The following XKR9 variants were observed in gnomAD, a reference collection of about 807,000 sequenced individuals.
XKR9 encodes the protein XK related 9, also known as XK-related protein 9.
Under a neutral mutation model 32.0 loss-of-function variants are expected in XKR9, and 32 were observed. That is an observed-to-expected ratio of 1.00 (90% CI 0.76 to 1.34). The LOEUF (loss-of-function observed/expected upper bound fraction) is 1.34. Ranked by LOEUF, XKR9 falls within the 40% of genes most tolerant of loss-of-function variation. The pLI is 0.00. For synonymous variants in XKR9, 168 were observed against 143.4 expected, an observed-to-expected ratio of 1.17 and a Z score of -1.22; for missense variants, 546 against 429.7, an observed-to-expected ratio of 1.27 and a Z score of -2.39.
the XKR9 span, among the ~76,000 whole-genome samples, chr8:70,862,888 G>C: frequency 1.3e-5 from 2 of 152,044 alleles, no homozygotes; most frequent in African/African-American, 2.4e-5. Flanking sequence ...GCCAAGGAAG[G>C]CTTCCTAGGA....
At chr8:70,768,123 T>G (rs1807403489) in intron 2 of XKR9, among the ~76,000 whole-genome samples, 1 of 152,220 alleles carries the variant, frequency 6.6e-6, no homozygotes, top group African/African-American at 2.4e-5. Flanking sequence ...ATATTGTTTC[T>G]TTGTTCTCAT....
chr8:71,019,677 A>G, the XKR9 span, among the ~76,000 whole-genome samples: 2 of 152,234 alleles, frequency 1.3e-5, no homozygotes, highest in East Asian at 1.9e-4. Context: ...GAAGTTTAAA[A>G]TGTCTTAACC....
chr8:70,793,749 T>A (rs115172370), downstream of XKR9, among the ~76,000 whole-genome samples: 1,759 of 152,238 alleles, frequency 0.012, 33 homozygotes, highest in African/African-American at 0.038. Flanking sequence ...GTCTTGATTA[T>A]TGTAGCTTTG....
At chr8:71,046,417 A>G in the XKR9 span, among the ~76,000 whole-genome samples, 1 of 152,178 alleles carries the variant, frequency 6.6e-6, no homozygotes, top group Non-Finnish European at 1.5e-5. Context: ...CTGTGTGGCC[A>G]TGTCATTTGT....
At chr8:70,970,865 A>G in the XKR9 span, among the ~76,000 whole-genome samples, 1 of 152,200 alleles carries the variant, frequency 6.6e-6, no homozygotes, top group Non-Finnish European at 1.5e-5. Flanking sequence ...AGGAGCGTAA[A>G]TTAGTTCAAT....
intron 4 of XKR9, among the ~76,000 whole-genome samples, chr8:70,721,320 T>TA (rs1806274519): frequency 6.6e-6 from 1 of 152,182 alleles, no homozygotes; most frequent in African/African-American, 2.4e-5. Flanking sequence ...GCTCTGAGCT[T>TA]AGTTATTTCT....
the XKR9 span, among the ~76,000 whole-genome samples, chr8:71,011,368 C>T: frequency 6.6e-6 from 1 of 152,102 alleles, no homozygotes; most frequent in Non-Finnish European, 1.5e-5. Context: ...TTAATTTATT[C>T]CCATAGGTCC....
intron 2 of XKR9, among the ~76,000 whole-genome samples, chr8:70,743,818 G>A (rs147312294): frequency 9.8e-4 from 149 of 152,174 alleles, no homozygotes; most frequent in African/African-American, 3.5e-3. Context: ...ATTTTGTGTA[G>A]TTGGTATGCT....
the XKR9 span, among the ~76,000 whole-genome samples, chr8:71,037,952 C>T: frequency 5.3e-5 from 8 of 152,028 alleles, no homozygotes; most frequent in South Asian, 2.1e-4. Context: ...AAAATGTACA[C>T]GAAATGTTGG....
the XKR9 span, among the ~76,000 whole-genome samples, chr8:70,953,485 A>G: frequency 0.041 from 6,238 of 151,882 alleles, 184 homozygotes; most frequent in South Asian, 0.08. Flanking sequence ...CTAATTTTTT[A>G]ATTTTTTGTA....
the XKR9 span, among the ~76,000 whole-genome samples, chr8:70,897,228 A>G: frequency 6.6e-6 from 1 of 152,032 alleles, no homozygotes; most frequent in Non-Finnish European, 1.5e-5. Context: ...CTCTTTTTTT[A>G]TGGTTGAATA....
At chr8:70,985,554 T>C in the XKR9 span, among the ~76,000 whole-genome samples, 1 of 152,222 alleles carries the variant, frequency 6.6e-6, no homozygotes, top group Non-Finnish European at 1.5e-5. Context: ...ACAATCTTTG[T>C]ACATGTATTT....
the XKR9 span, among the ~76,000 whole-genome samples, chr8:70,855,709 G>C: frequency 6.6e-6 from 1 of 152,230 alleles, no homozygotes; most frequent in East Asian, 1.9e-4. Flanking sequence ...AGGTAAAAAT[G>C]TTAAGGGCAG....
chr8:70,697,083 G>A (rs955738025), intron 3 of XKR9, among the ~76,000 whole-genome samples: 97 of 151,260 alleles, frequency 6.4e-4, no homozygotes, highest in African/African-American at 2.2e-3. Flanking sequence ...GAGATTTTGG[G>A]CTGAGACAAT....
the XKR9 span, among the ~76,000 whole-genome samples, chr8:70,809,914 C>T: frequency 6.6e-6 from 1 of 152,136 alleles, no homozygotes; most frequent in Non-Finnish European, 1.5e-5. Context: ...GGCAGGCCAA[C>T]ATTCAGATTC....
At chr8:71,032,281 C>CA in the XKR9 span, among the ~76,000 whole-genome samples, 2,857 of 73,152 alleles carry the variant, frequency 0.039, 429 homozygotes, top group East Asian at 0.37. Flanking sequence ...GAGACTCTGT[C>CA]AAAAAAAAAA....
the XKR9 span, among the ~76,000 whole-genome samples, chr8:70,887,091 A>G: frequency 5.6e-4 from 85 of 152,212 alleles, 1 homozygote; most frequent in African/African-American, 1.9e-3. Context: ...TCTTGAGTTA[A>G]TTTTTGTGTA....
At chr8:70,691,845 A>T (rs1041307516) in intron 3 of XKR9, among the ~76,000 whole-genome samples, 5 of 152,150 alleles carry the variant, frequency 3.3e-5, no homozygotes, top group Admixed American at 3.3e-4. Context: ...GTCGAATAAC[A>T]TGATGCCTCC....
chr8:70,757,131 A>G (rs1807238312), intron 2 of XKR9, among the ~76,000 whole-genome samples: 1 of 152,008 alleles, frequency 6.6e-6, no homozygotes, highest in Non-Finnish European at 1.5e-5. Context: ...GCTTACTTAT[A>G]TGACCTATTA....
Sources: gnomAD v4.1 joint callset for allele counts (sites outside exome capture counted in the v4.1 genomes callset) on GRCh38, gnomAD v4.1.1 for gene constraint, MANE v1.5 for transcripts, NCBI Gene and HGNC (gene_info 2026-07-23, HGNC 2026-07-21) for gene names.